Variants in ARPP21 observed in about 807,000 individuals in gnomAD.
ARPP21 encodes the protein cAMP-regulated phosphoprotein 21.
Under a neutral mutation model 113.2 loss-of-function variants are expected in ARPP21, and 69 were observed. The ratio of observed to expected loss-of-function variants is 0.61; its 90% CI spans 0.50 to 0.74. ARPP21 has a LOEUF of 0.74. ARPP21 is among the 30% of genes least tolerant of loss of function. The pLI is 0.00. For synonymous variants in ARPP21, 368 were observed against 375.5 expected (o/e 0.98, Z 0.23); for missense variants, 1,070 against 1,037.4 (o/e 1.03, Z -0.43).
intron 9 of ARPP21, among the ~76,000 whole-genome samples, chr3:35,701,942 A>T (rs553502588): frequency 2.0e-5 from 3 of 151,896 alleles, no homozygotes; most frequent in Non-Finnish European, 4.4e-5. Context: ...CATGTTCTAA[A>T]TATTCAAAAT....
chr3:35,760,253 A>C (rs1005455461), intron 19 of ARPP21, among the ~76,000 whole-genome samples: 3 of 152,084 alleles, frequency 2.0e-5, no homozygotes, highest in Non-Finnish European at 4.4e-5. Flanking sequence ...GCCAGCTCTC[A>C]GGATCCCAGG....
In ARPP21 at chr3:35,739,446, T is replaced by A. The variant is rs915221589; in HGVS notation, c.1879T>A (p.Tyr627Asn). Residue 627 changes from tyrosine (Y) to asparagine (N), a missense_variant, in exon 18 of 21, where the codon TAT becomes AAT. Physicochemically the swap from Tyr to Asn is moderately radical, Grantham distance 143. Coordinates refer to ENST00000684406, the MANE Select transcript of ARPP21 (RefSeq NM_001385562.1). ...GCCACAGCCGGCCCAGCAGCCCAGCTATGTAATCGCCTCTACAGGCCAGCA... is the reference window on the plus strand; with the variant it reads ...GCCACAGCCGGCCCAGCAGCCCAGCAATGTAATCGCCTCTACAGGCCAGCA... ...LMPQPAQQPS[Y>N]VIASTGQQLP... The A allele has an allele frequency of 2.5e-6, 4 of 1,614,046 alleles. No individual in the cohort carries two copies. In the African/African-American group the frequency reaches 5.3e-5, roughly 22 times the overall value.
At chr3:35,783,058 C>T (rs2096558995) in intron 19 of ARPP21, among the ~76,000 whole-genome samples, 1 of 152,112 alleles carries the variant, frequency 6.6e-6, no homozygotes, top group South Asian at 2.1e-4. Flanking sequence ...TTGAAACACT[C>T]CCCTACTTCT....
rs1012275758 is a variant in ARPP21 at position 35,735,680 on chromosome 3, C to G, written c.1460-1498C>G. 2.6e-5 allele frequency among the ~76,000 whole-genome samples: 4 copies of G among 152,200 alleles called. No individual in the cohort carries two copies. In the South Asian group the frequency reaches 8.3e-4, roughly 31 times the overall value. On this transcript the variant is annotated intron_variant, in intron 15 of 20. Coordinates refer to ENST00000684406, the MANE Select transcript of ARPP21 (RefSeq NM_001385562.1). ...GAGGACTTTCCACTGAAATATCAAC[C>G]CCATCCTGGGAGCCCCATTCTCTCT... is the stretch of plus-strand genomic sequence containing the variant.
chr3:35,648,107 T>A (rs1371926633), intron 1 of ARPP21, among the ~76,000 whole-genome samples: 1 of 152,186 alleles, frequency 6.6e-6, no homozygotes, highest in Admixed American at 6.5e-5. Flanking sequence ...TTGGTGATGC[T>A]TGACTCTTTC....
At chr3:35,706,621 A>G (rs1031006702) in intron 9 of ARPP21, among the ~76,000 whole-genome samples, 5 of 152,360 alleles carry the variant, frequency 3.3e-5, no homozygotes, top group Admixed American at 3.3e-4. Flanking sequence ...AAACATGTAT[A>G]TTTGTTTGAG....
chr3:35,699,876 A>G (rs991700629), intron 9 of ARPP21, among the ~76,000 whole-genome samples: 4 of 151,824 alleles, frequency 2.6e-5, no homozygotes, highest in African/African-American at 7.2e-5. Context: ...GTTTCCAAAG[A>G]AAACATCACT....
At chr3:35,734,625 C>T (rs1049754701) in intron 15 of ARPP21, among the ~76,000 whole-genome samples, 1 of 152,170 alleles carries the variant, frequency 6.6e-6, no homozygotes, top group Non-Finnish European at 1.5e-5. Flanking sequence ...GTTACTAACA[C>T]ACAAATATAT....
At chr3:35,740,452 A>G (rs973024244) in intron 18 of ARPP21, among the ~76,000 whole-genome samples, 5 of 152,124 alleles carry the variant, frequency 3.3e-5, no homozygotes, top group African/African-American at 9.7e-5. Flanking sequence ...TGAATAAATT[A>G]TTTTCTTTTC....
chr3:35,744,148 A>G (rs751695456), intron 19 of ARPP21, among the ~76,000 whole-genome samples, 183 bp downstream of exon 19: 3 of 152,242 alleles, frequency 2.0e-5, no homozygotes, highest in Non-Finnish European at 4.4e-5. Flanking sequence ...AAGGTGAAGC[A>G]TATGTCAGAC....
At chr3:35,750,492 C>G (rs1410797428) in intron 19 of ARPP21, among the ~76,000 whole-genome samples, 1 of 152,098 alleles carries the variant, frequency 6.6e-6, no homozygotes, top group Non-Finnish European at 1.5e-5. Context: ...AGGAAATAGC[C>G]TATTTAGTTG....
chr3:35,687,744 A>T lies in ARPP21; in HGVS notation c.267A>T (p.Ser89=). 1 of 1,600,092 alleles carries T rather than the reference A, an allele frequency of 6.2e-7. No homozygotes were observed. Reference sequence around the variant, plus strand: ...TTATATTTTTTCCCCAACAGGAATCAATTCATTTACAGCTTTCCAGTTTTT... The same window carrying T: ...TTATATTTTTTCCCCAACAGGAATCTATTCATTTACAGCTTTCCAGTTTTT... ...PGGESLQDQE[S]IHLQLSSFSS... Residue 89 remains serine, a synonymous_variant, in exon 6 of 21, where the codon TCA becomes TCT. Transcript: ENST00000684406.
intron 4 of ARPP21, 119 bp downstream of exon 4, chr3:35,683,008 C>A: frequency 1.1e-6 from 1 of 922,102 alleles, no homozygotes; most frequent in Non-Finnish European, 1.6e-6. Context: ...TGTGGGGCAT[C>A]TCGGCTGTAC....
intron 1 of ARPP21, among the ~76,000 whole-genome samples, chr3:35,649,069 A>G (rs1354324213): frequency 6.6e-6 from 1 of 152,150 alleles, no homozygotes; most frequent in Non-Finnish European, 1.5e-5. Flanking sequence ...TCCATTTTTC[A>G]TTGTCCTTAG....
intron 1 of ARPP21, among the ~76,000 whole-genome samples, chr3:35,678,251 G>T (rs748579753): frequency 6.6e-6 from 1 of 151,732 alleles, no homozygotes; most frequent in African/African-American, 2.4e-5. Flanking sequence ...CAAATATGAG[G>T]GTCTTAAAGA....
intron 19 of ARPP21, among the ~76,000 whole-genome samples, chr3:35,749,582 T>G (rs1409872246): frequency 6.6e-6 from 1 of 152,108 alleles, no homozygotes; most frequent in Admixed American, 6.5e-5. Context: ...CTTTCTATTT[T>G]TGGAAAGAGA....
Position 35,721,800 on chromosome 3 carries a change from C to T in ARPP21, c.1191C>T (p.Ser397=), listed in dbSNP as rs763728655. 6.2e-7 allele frequency: 1 copy of T among 1,612,146 alleles called. No individual in the cohort carries two copies. The highest frequency in any genetic ancestry group is 2.2e-5 in the East Asian group (1 of 44,818). The change falls in exon 14 of 21, where the codon TCC becomes TCT. Residue 397 remains serine, a synonymous_variant. Coordinates refer to ENST00000684406, the MANE Select transcript of ARPP21 (RefSeq NM_001385562.1). ...ITVLTRGDST[S]STRSTGKLSK... ...TGCTGACCAGGGGTGACAGCACTTCCAGTACTAGGAGTACCGGGAAGCTGT... is the reference window on the plus strand; with the variant it reads ...TGCTGACCAGGGGTGACAGCACTTCTAGTACTAGGAGTACCGGGAAGCTGT...
chr3:35,652,336 T>TA (rs768972084), intron 1 of ARPP21, among the ~76,000 whole-genome samples: 1 of 152,104 alleles, frequency 6.6e-6, no homozygotes, highest in Non-Finnish European at 1.5e-5. Context: ...ACTTTGCAGA[T>TA]AAAACCAATG....
At position 35,711,163 on chromosome 3, in the gene ARPP21, G is replaced by A. The variant is rs373175267; in HGVS notation, c.897+2093G>A. ...CCAGCTCTTCCGGCTTTACTAATTT[G>A]AGTGGAGGACCAGCCTGTTTCTAGC... On this transcript the variant is annotated intron_variant, in intron 11 of 20. Coordinates refer to ENST00000684406, the MANE Select transcript of ARPP21 (RefSeq NM_001385562.1). Among the ~76,000 whole-genome samples the A allele has an allele frequency of 1.7e-4, 26 of 152,218 alleles. No individual in the cohort carries two copies. In the East Asian group the frequency reaches 2.9e-3, roughly 17 times the overall value.
Sources: allele counts gnomAD v4.1 joint callset (sites outside exome capture counted in the v4.1 genomes callset), GRCh38; gene constraint gnomAD v4.1.1; transcripts MANE v1.5; gene names NCBI Gene and HGNC (gene_info 2026-07-23, HGNC 2026-07-21).